The following NAGLU variants were observed in gnomAD, a reference collection of about 807,000 sequenced individuals.
NAGLU encodes alpha-N-acetylglucosaminidase.
Under a neutral mutation model 43.4 loss-of-function variants are expected in NAGLU, and 34 were observed. The observed-to-expected ratio is 0.78, with a 90% CI of 0.60 to 1.04. The LOEUF is 1.04. NAGLU is among the 50% of genes least tolerant of loss of function. The pLI is 0.00. For missense variants in NAGLU, 910 were observed against 993.7 expected, an observed-to-expected ratio of 0.92 and a Z score of 1.13; for synonymous variants, 425 against 437.6, an observed-to-expected ratio of 0.97 and a Z score of 0.36.
chr17:42,543,534 A>G lies in NAGLU; in HGVS notation c.1528A>G (p.Arg510Gly), dbSNP rs1357877182. 6.2e-7 allele frequency: 1 copy of G among 1,608,914 alleles called. No individual in the cohort carries two copies. Residue 510 changes from arginine to glycine, a missense_variant, in exon 6 of 6, where the codon AGG (arginine) becomes GGG (glycine). Physicochemically the swap from Arg to Gly is moderately radical, Grantham distance 125 (BLOSUM62 -2). Transcript: ENST00000225927. The stretch of plus-strand genomic sequence containing the variant: ...GTACAACTGCTCCGGGGAGGCCTGC[A>G]GGGGCCACAATCGTAGCCCGCTGGT... Reference protein sequence around the residue: ...SVYNCSGEACRGHNRSPLVRR... With the variant: ...SVYNCSGEACGGHNRSPLVRR...
intron 3 of NAGLU, 37 bp downstream of exon 3, chr17:42,538,522 A>G (rs762469536): frequency 3.7e-6 from 6 of 1,613,440 alleles, no homozygotes; most frequent in Non-Finnish European, 5.1e-6. Flanking sequence ...AGAATCGGTG[A>G]TAGATGGTCA....
chr17:42,536,395 G>T lies in NAGLU; in HGVS notation c.123G>T (p.Gly41=), dbSNP rs1170826218. 1 of 1,220,752 alleles carries T rather than the reference G, an allele frequency of 8.2e-7. No homozygotes were observed. Among genetic ancestry groups the T allele is most frequent in the Non-Finnish European group, 1.0e-6 (1 of 975,316 alleles). The allele number at this position is 1,220,752 out of a possible 1,614,324, so 75.6% of individuals were successfully genotyped here. The part of the protein sequence containing the change: ...AVRALVARLL[G]PGPAADFSVS... ...GGGCGCTCGTGGCCCGGCTGCTGGG[G>T]CCAGGCCCCGCGGCCGACTTCTCCG... Residue 41 remains glycine, a synonymous_variant, in exon 1 of 6, where the codon GGG becomes GGT. Coordinates refer to ENST00000225927, the MANE Select transcript of NAGLU (RefSeq NM_000263.4).
rs1555621747 is a variant in NAGLU at position 42,538,449 on chromosome 17, G to A, written c.642G>A (p.Leu214=). 2 of 1,614,100 alleles carry A rather than the reference G, an allele frequency of 1.2e-6. No homozygotes were observed. Among genetic ancestry groups the A allele is most frequent in the South Asian group, 2.2e-5 (2 of 91,084 alleles). Residue 214 remains leucine (L), a synonymous_variant, in exon 3 of 6, where the codon CTG becomes CTA. Coordinates refer to ENST00000225927, the MANE Select transcript of NAGLU (RefSeq NM_000263.4). The part of the protein sequence containing the change: ...MGNLHTWDGP[L]PPSWHIKQLY... The stretch of plus-strand genomic sequence containing the variant: ...ACCTGCACACCTGGGATGGCCCCCT[G>A]CCCCCCTCCTGGCACATCAAGCAGC...
At chr17:42,537,116 C>T (rs939424896) in intron 1 of NAGLU, 179 of 486,974 alleles carry the variant, frequency 3.7e-4, no homozygotes, top group Non-Finnish European at 3.6e-4. Flanking sequence ...TCCAGGAAAA[C>T]ACCGTGCAGA....
chr17:42,538,599 T>A (rs2092913511), intron 3 of NAGLU, 71 bp from the exon 4 acceptor site: 10 of 1,612,630 alleles, frequency 6.2e-6, no homozygotes, highest in Non-Finnish European at 8.5e-6. Context: ...GCTGCGTGTA[T>A]CCTGGGAGAT....
chr17:42,544,215 C>G lies in NAGLU; in HGVS notation c.2209C>G (p.Arg737Gly), dbSNP rs86312. Reference sequence around the variant, plus strand: ...GAAGATCTTCCTCAAATATTACCCCCGCTGGGTGGCCGGCTCTTGGTGATA... The same window carrying G: ...GAAGATCTTCCTCAAATATTACCCCGGCTGGGTGGCCGGCTCTTGGTGATA... ...AKKIFLKYYP[R>G]WVAGSW Residue 737 changes from arginine (R) to glycine (G), a missense_variant, in exon 6 of 6, where the codon CGC (arginine) becomes GGC (glycine). By Grantham distance (125) the Arg-to-Gly change is moderately radical. Coordinates refer to ENST00000225927, the MANE Select transcript of NAGLU (RefSeq NM_000263.4). 1,472,900 of 1,610,842 alleles carry G rather than the reference C, an allele frequency of 0.91. 676,272 individuals are homozygous for G. Among genetic ancestry groups the G allele is most frequent in the East Asian group, 1 (44,819 of 44,860 alleles).
chr17:42,544,348 G>C lies in NAGLU; in HGVS notation c.*110G>C. The stretch of plus-strand genomic sequence containing the variant: ...CCCAGGCCTGGGAGGAGGCCCCACG[G>C]CCTGCTGGTGGGGTCTGACCTGGGG... On this transcript the variant is annotated 3_prime_UTR_variant, in exon 6 of 6. Transcript: ENST00000225927. 1 of 1,515,616 alleles carries C rather than the reference G, an allele frequency of 6.6e-7. No individual in the cohort carries two copies. Among genetic ancestry groups the C allele is most frequent in the Non-Finnish European group, 9.0e-7 (1 of 1,114,662 alleles). 93.9% of individuals were successfully genotyped at this position (1,515,616 alleles called of 1,614,324 possible). A position where few individuals can be genotyped will look rare whatever the true frequency, so the allele number is the denominator to read the frequency against.
intron 4 of NAGLU, 23 bp downstream of exon 4, chr17:42,538,778 C>T: frequency 6.2e-7 from 1 of 1,612,512 alleles, no homozygotes; most frequent in Non-Finnish European, 8.5e-7. Flanking sequence ...TCACCCCCTC[C>T]ACTTAGCTCA....
rs1253870232 is a variant in NAGLU at position 42,536,326 on chromosome 17, CG to C, written c.59del (p.Gly20AlafsTer102). 1.6e-6 allele frequency: 2 copies of C among 1,216,260 alleles called. No individual in the cohort carries two copies. The highest frequency in any genetic ancestry group is 2.0e-6 in the Non-Finnish European group (2 of 978,584). The allele number at this position is 1,216,260 out of a possible 1,614,324, so 75.3% of individuals were successfully genotyped here. A position where few individuals can be genotyped will look rare whatever the true frequency, so the allele number is the denominator to read the frequency against. ...TGGGGGTCCTTCTCCTGGCCGGGGC[CG>C]GGGGCGCGGCAGGCGACGAGGCCCG... ...AVGVLLLAGA[G>X]GAAGDEAREA... is the part of the protein sequence containing the mutation. On this transcript the variant is annotated frameshift_variant, in exon 1 of 6. Transcript: ENST00000225927. LOFTEE classifies it high-confidence loss of function.
chr17:42,538,633 G>A (rs755984795), intron 3 of NAGLU, 37 bp from the exon 4 acceptor site: 11 of 1,613,526 alleles, frequency 6.8e-6, no homozygotes, highest in Non-Finnish European at 8.5e-6. Context: ...TAGGACAGCA[G>A]TGGCCATGCT....
Position 42,539,220 on chromosome 17 carries a change from C to T in NAGLU, c.764+465C>T, listed in dbSNP as rs148909182. Among the ~76,000 whole-genome samples the T allele has an allele frequency of 3.5e-3, 535 of 152,324 alleles. 2 individuals are homozygous for T. Among genetic ancestry groups the T allele is most frequent in the Non-Finnish European group, 5.8e-3 (397 of 68,034 alleles). ...GGGCAGATGACATGACTGCTCTGTG[C>T]CTCAGTTTCCTTACTTGTAAAATGG... On this transcript the variant is annotated intron_variant, in intron 4 of 5. Transcript: ENST00000225927.
intron 1 of NAGLU, chr17:42,537,029 C>T: frequency 2.2e-6 from 1 of 447,494 alleles, no homozygotes; most frequent in Non-Finnish European, 4.1e-6. Flanking sequence ...CAGCGCCTGC[C>T]ACACTATGGA....
At position 42,543,845 on chromosome 17, in the gene NAGLU, C is replaced by T. The variant is rs143580194; in HGVS notation, c.1839C>T (p.Asp613=). The T allele has an allele frequency of 1.8e-4, 282 of 1,600,290 alleles. No homozygotes were observed. The highest frequency in any genetic ancestry group is 2.3e-4 in the Non-Finnish European group (271 of 1,173,934). Residue 613 remains aspartate (D), a synonymous_variant, in exon 6 of 6, where the codon GAC becomes GAT. Coordinates refer to ENST00000225927, the MANE Select transcript of NAGLU (RefSeq NM_000263.4). ...CACTGGACGAGGTGCTGGCTAGTGACAGCCGCTTCTTGCTGGGCAGCTGGC... is the reference window on the plus strand; with the variant it reads ...CACTGGACGAGGTGCTGGCTAGTGATAGCCGCTTCTTGCTGGGCAGCTGGC... ...LPALDEVLAS[D]SRFLLGSWLE...
At position 42,538,362 on chromosome 17, in the gene NAGLU, C is replaced by T. The variant is rs918115221; in HGVS notation, c.555C>T (p.Thr185=). 1 of 1,614,248 alleles carries T rather than the reference C, an allele frequency of 6.2e-7. No individual in the cohort carries two copies. The highest frequency in any genetic ancestry group is 1.1e-5 in the South Asian group (1 of 91,088). Residue 185 remains threonine, a synonymous_variant, in exon 3 of 6, where the codon ACC becomes ACT. Coordinates refer to ENST00000225927, the MANE Select transcript of NAGLU (RefSeq NM_000263.4). ...AGGTGTACCTGGCCTTGGGCCTGAC[C>T]CAGGCAGAGATCAATGAGTTCTTTA... is the stretch of plus-strand genomic sequence containing the variant. ...WQRVYLALGL[T]QAEINEFFTG...
At chr17:42,539,095 C>G (rs143418890) in intron 4 of NAGLU, among the ~76,000 whole-genome samples, 45 of 152,324 alleles carry the variant, frequency 3.0e-4, no homozygotes, top group Non-Finnish European at 5.3e-4. Flanking sequence ...GCACTCCAGC[C>G]TGGGTGACGA....
chr17:42,536,776 C>T, intron 1 of NAGLU, 121 bp downstream of exon 1: 1 of 1,338,370 alleles, frequency 7.5e-7, no homozygotes, highest in Non-Finnish European at 9.6e-7. Flanking sequence ...GCGCCGCCTC[C>T]AGCAGCTGTG....
intron 5 of NAGLU, among the ~76,000 whole-genome samples, chr17:42,542,742 C>T (rs2092924534): frequency 6.6e-6 from 1 of 152,266 alleles, no homozygotes; most frequent in Non-Finnish European, 1.5e-5. Flanking sequence ...GATCCACCTG[C>T]TTCAGCCCCT....
chr17:42,538,756 G>A lies in NAGLU; in HGVS notation c.764+1G>A. 1 of 1,613,852 alleles carries A rather than the reference G, an allele frequency of 6.2e-7. No individual in the cohort carries two copies. The highest frequency in any genetic ancestry group is 8.5e-7 in the Non-Finnish European group (1 of 1,180,036). Reference sequence around the variant, plus strand: ...GGCATGTTCCCGAGGCTGTCACCAGGTGAGGTTCCGCTCACCCCCTCCACT... The same window carrying A: ...GGCATGTTCCCGAGGCTGTCACCAGATGAGGTTCCGCTCACCCCCTCCACT... On this transcript the variant is annotated splice_donor_variant, in intron 4 of 5. Transcript: ENST00000225927. LOFTEE classifies it high-confidence loss of function.
At position 42,544,250 on chromosome 17, in the gene NAGLU, C is replaced by T. The variant is rs772571244; in HGVS notation, c.*12C>T. 1.2e-6 allele frequency: 2 copies of T among 1,606,724 alleles called. No individual in the cohort carries two copies. The highest frequency in any genetic ancestry group is 1.7e-6 in the Non-Finnish European group (2 of 1,179,960). Reference sequence around the variant, plus strand: ...CCGGCTCTTGGTGATAGATTCGCCACCACTGGGCCTTGTTTTCCGCTAATT... The same window carrying T: ...CCGGCTCTTGGTGATAGATTCGCCATCACTGGGCCTTGTTTTCCGCTAATT... On this transcript the variant is annotated 3_prime_UTR_variant, in exon 6 of 6. Coordinates refer to ENST00000225927, the MANE Select transcript of NAGLU (RefSeq NM_000263.4).
Sources: gnomAD v4.1 joint callset for allele counts (sites outside exome capture counted in the v4.1 genomes callset) on GRCh38, gnomAD v4.1.1 for gene constraint, MANE v1.5 for transcripts, NCBI Gene and HGNC (gene_info 2026-07-23, HGNC 2026-07-21) for gene names.